Variants in NAA16 observed in about 807,000 individuals in gnomAD.
NAA16 encodes the protein N-alpha-acetyltransferase 16, NatA auxiliary subunit, also known as NARG1-like protein.
NAA16 carries 97 observed loss-of-function variants against 110.3 expected under a neutral mutation model. The ratio of observed to expected loss-of-function variants is 0.88; its 90% CI spans 0.75 to 1.04. NAA16 has a LOEUF of 1.04. Ranked by LOEUF, NAA16 falls within the 50% of genes least tolerant of loss-of-function variation. The pLI is 0.00. For missense variants in NAA16, 1,017 were observed against 1,005.1 expected (o/e 1.01, Z -0.16); for synonymous variants, 372 against 330.6 (o/e 1.13, Z -1.36).
At position 41,311,279 on chromosome 13, in the gene NAA16, A is replaced by AACCGCC; in HGVS notation, c.-249_-244dup. ...TGGCTGCCATCTTGCAGTGCGCGGG[A>AACCGCC]ACCGCCGCCGCCGCCGCTGGCCAAA... On this transcript the variant is annotated 5_prime_UTR_variant, in exon 1 of 20. Transcript: ENST00000379406. 1 of 551,780 alleles carries AACCGCC rather than the reference A, an allele frequency of 1.8e-6. No individual in the cohort carries two copies. The highest frequency in any genetic ancestry group is 2.3e-5 in the South Asian group (1 of 44,112). The allele number at this position is 551,780 out of a possible 1,614,324, so 34.2% of individuals were successfully genotyped here.
intron 10 of NAA16, among the ~76,000 whole-genome samples, chr13:41,356,330 GT>G (rs901301969): frequency 6.6e-6 from 1 of 152,116 alleles, no homozygotes; most frequent in Non-Finnish European, 1.5e-5. Context: ...CCCTCTATGA[GT>G]TTTTTTAAGG....
intron 15 of NAA16, among the ~76,000 whole-genome samples, chr13:41,370,730 T>C (rs139345482): frequency 3.5e-4 from 54 of 152,268 alleles, no homozygotes; most frequent in African/African-American, 1.3e-3. Flanking sequence ...ACTCCAAAAG[T>C]GTAGAAGTGG....
chr13:41,357,379 T>TTTC (rs10623742), intron 10 of NAA16, among the ~76,000 whole-genome samples: 144,165 of 152,204 alleles, frequency 0.95, 68,347 homozygotes, highest in South Asian at 0.99. Flanking sequence ...ATTCTAATAA[T>TTTC]TTCTGCATTC....
At position 41,325,866 on chromosome 13, in the gene NAA16, C is replaced by CT. The variant is rs35643066; in HGVS notation, c.691+22dup. On this transcript the variant is annotated intron_variant, in intron 6 of 19. Transcript: ENST00000379406. ...AGAAATTAAAGGTAAGTTGGCTTGCCTTTTTTTAATAGCCTCAAACAGAAA... is the reference window on the plus strand; with the variant it reads ...AGAAATTAAAGGTAAGTTGGCTTGCCTTTTTTTTAATAGCCTCAAACAGAAA... 3 of 1,583,186 alleles carry CT rather than the reference C, an allele frequency of 1.9e-6. No homozygotes were observed. The highest frequency in any genetic ancestry group is 2.6e-6 in the Non-Finnish European group (3 of 1,166,752).
chr13:41,373,964 C>A, intron 18 of NAA16, 184 bp downstream of exon 18: 3 of 944,952 alleles, frequency 3.2e-6, no homozygotes, highest in Non-Finnish European at 1.4e-6. Context: ...GGATGTAATA[C>A]CAGATTTAAA....
At position 41,355,142 on chromosome 13, in the gene NAA16, A is replaced by T. The variant is rs758756953; in HGVS notation, c.1015-2A>T. The T allele has an allele frequency of 6.5e-7, 1 of 1,543,876 alleles. No homozygotes were observed. The highest frequency in any genetic ancestry group is 2.3e-5 in the East Asian group (1 of 44,190). On this transcript the variant is annotated splice_acceptor_variant, in intron 9 of 19. Transcript: ENST00000379406. LOFTEE classifies it high-confidence loss of function. ...AATTTTAAAAATATGTTTCTTTAAC[A>T]GGTTTCTATAATCCAGGAACTTGTT...
intron 4 of NAA16, among the ~76,000 whole-genome samples, chr13:41,322,551 A>G (rs1183272232): frequency 6.6e-6 from 1 of 152,138 alleles, no homozygotes; most frequent in Non-Finnish European, 1.5e-5. Context: ...AATAATACTG[A>G]CCTAGACTTT....
intron 15 of NAA16, among the ~76,000 whole-genome samples, chr13:41,371,981 G>A (rs955254251): frequency 6.6e-6 from 1 of 151,984 alleles, no homozygotes; most frequent in Admixed American, 6.5e-5. Context: ...TTAATAAAAT[G>A]ATCTTGATTT....
intron 16 of NAA16, 109 bp downstream of exon 16, chr13:41,372,420 T>C (rs1258638693): frequency 7.3e-7 from 1 of 1,368,752 alleles, no homozygotes; most frequent in Non-Finnish European, 9.4e-7. Flanking sequence ...ATTTTAGCCT[T>C]CTACAAAGGC....
chr13:41,313,865 CTTT>C (rs35329834), intron 1 of NAA16, among the ~76,000 whole-genome samples: 1 of 144,102 alleles, frequency 6.9e-6, no homozygotes, highest in Non-Finnish European at 1.5e-5. Flanking sequence ...GTAGATTTGT[CTTT>C]TTTTTTTTTT....
Position 41,325,866 on chromosome 13 carries a change from C to A in NAA16, c.691+15C>A. 1 of 1,583,208 alleles carries A rather than the reference C, an allele frequency of 6.3e-7. No individual in the cohort carries two copies. Among genetic ancestry groups the A allele is most frequent in the Non-Finnish European group, 8.6e-7 (1 of 1,166,772 alleles). On this transcript the variant is annotated intron_variant, in intron 6 of 19. Transcript: ENST00000379406. ...AGAAATTAAAGGTAAGTTGGCTTGC[C>A]TTTTTTTAATAGCCTCAAACAGAAA...
At position 41,350,454 on chromosome 13, in the gene NAA16, T is replaced by A. The variant is rs368644781; in HGVS notation, c.1015-4690T>A. On this transcript the variant is annotated intron_variant, in intron 9 of 19. Transcript: ENST00000379406. ...GACTACAGGCGCCCGCCACCATACCTGGCTAAGTTTTTTTGTATTTTTTAG... is the reference window on the plus strand; with the variant it reads ...GACTACAGGCGCCCGCCACCATACCAGGCTAAGTTTTTTTGTATTTTTTAG... Among the ~76,000 whole-genome samples, 36 of 150,816 alleles carry A rather than the reference T, an allele frequency of 2.4e-4. No individual in the cohort carries two copies. In the East Asian group the frequency reaches 4.2e-3, roughly 17 times the overall value.
Position 41,362,212 on chromosome 13 carries a change from G to T in NAA16, c.1539+53G>T, listed in dbSNP as rs2043126653. ...TTTCACTGTAAGGTGATAAAAAGCA[G>T]GTAGATTTCTACACAGGATCATCTG... On this transcript the variant is annotated intron_variant, in intron 13 of 19. Coordinates refer to ENST00000379406, the MANE Select transcript of NAA16 (RefSeq NM_024561.5). The T allele has an allele frequency of 1.9e-6, 3 of 1,540,684 alleles. No individual in the cohort carries two copies. In the East Asian group the frequency reaches 7.0e-5, roughly 36 times the overall value.
intron 7 of NAA16, among the ~76,000 whole-genome samples, chr13:41,330,000 G>T (rs1328310451): frequency 7.0e-6 from 1 of 142,690 alleles, no homozygotes; most frequent in Non-Finnish European, 1.5e-5. Context: ...GATTTATACG[G>T]CTTGTTATAT....
chr13:41,320,719 T>C lies in NAA16; in HGVS notation c.297T>C (p.Ala99=). 6.2e-7 allele frequency: 1 copy of C among 1,613,050 alleles called. No homozygotes were observed. The highest frequency in any genetic ancestry group is 2.2e-5 in the East Asian group (1 of 44,854). ...GTTCTGATAAAAAATATGATGAAGCTATAAAATGTTACCGAAATGCCCTCA... is the reference window on the plus strand; with the variant it reads ...GTTCTGATAAAAAATATGATGAAGCCATAAAATGTTACCGAAATGCCCTCA... ...LQRSDKKYDE[A]IKCYRNALKL... Residue 99 remains alanine, a synonymous_variant, in exon 4 of 20, where the codon GCT becomes GCC. Coordinates refer to ENST00000379406, the MANE Select transcript of NAA16 (RefSeq NM_024561.5).
rs1259307892 is a variant in NAA16, at chr13:41,375,463, A to G, written c.2456A>G (p.Gln819Arg). 1.2e-6 allele frequency: 2 copies of G among 1,613,980 alleles called. No homozygotes were observed. The highest frequency in any genetic ancestry group is 3.3e-4 in the Middle Eastern group (2 of 6,060). The change falls in exon 20 of 20, where the codon CAA becomes CGA. Residue 819 changes from glutamine to arginine, a missense_variant. Physicochemically the swap from Gln to Arg is conservative, Grantham distance 43. Coordinates refer to ENST00000379406, the MANE Select transcript of NAA16 (RefSeq NM_024561.5). ...GGCAGCTTTGGGAACTGTAGTTCCC[A>G]ATATGAAGAATATAGGATGGCCTGT... ...LDGSFGNCSS[Q>R]YEEYRMACHN...
At chr13:41,318,960 T>A in intron 3 of NAA16, 50 bp downstream of exon 3, 1 of 1,191,330 alleles carries the variant, frequency 8.4e-7, no homozygotes, top group Non-Finnish European at 1.2e-6. Flanking sequence ...AGTTTTTTCC[T>A]AATTCAAATT....
At chr13:41,363,037 G>GT (rs1282792570) in intron 13 of NAA16, among the ~76,000 whole-genome samples, 1 of 152,140 alleles carries the variant, frequency 6.6e-6, no homozygotes, top group Admixed American at 6.5e-5. Context: ...TTTTTGCTCT[G>GT]TTTTTGTTTT....
chr13:41,355,066 A>G, intron 9 of NAA16, 78 bp from the exon 10 acceptor site: 1 of 850,312 alleles, frequency 1.2e-6, no homozygotes, highest in Non-Finnish European at 1.9e-6. Context: ...ATATTTTCCA[A>G]ATGTAATTTA....
Sources: gnomAD v4.1 joint callset for allele counts (sites outside exome capture counted in the v4.1 genomes callset) on GRCh38, gnomAD v4.1.1 for gene constraint, MANE v1.5 for transcripts, NCBI Gene and HGNC (gene_info 2026-07-23, HGNC 2026-07-21) for gene names.